The following ANOS1 variants were observed in gnomAD, a reference collection of about 807,000 sequenced individuals.
ANOS1 encodes anosmin 1.
ANOS1 carries 6 observed loss-of-function variants against 59.0 expected under a neutral mutation model. The observed-to-expected ratio is 0.10, with a 90% CI of 0.06 to 0.20. ANOS1 has a LOEUF of 0.20. ANOS1 is among the 10% of genes least tolerant of loss of function. The probability of loss-of-function intolerance (pLI) is 1.00; values close to 1 mark genes in which losing one functional copy is unlikely to be tolerated. For synonymous variants in ANOS1, 217 were observed against 223.4 expected, an observed-to-expected ratio of 0.97 and a Z score of 0.25; for missense variants, 433 against 542.3, an observed-to-expected ratio of 0.80 and a Z score of 2.00.
intron 2 of ANOS1, among the ~76,000 whole-genome samples, chrX:8,663,783 T>C (rs1932081258): frequency 8.9e-6 from 1 of 111,997 alleles, no homozygotes; most frequent in South Asian, 3.7e-4. Context: ...CCTTTTCTAA[T>C]AAAATTATTA....
At chrX:8,535,262 G>T (rs79897600) in intron 12 of ANOS1, 1 of 266,194 alleles carries the variant, frequency 3.8e-6, no homozygotes, top group Non-Finnish European at 6.7e-6. Context: ...TTCAAACAGG[G>T]CATGTTCACT....
chrX:8,541,185 A>AC (rs1261350138), intron 9 of ANOS1, among the ~76,000 whole-genome samples: 2 of 105,582 alleles, frequency 1.9e-5, no homozygotes, highest in Non-Finnish European at 1.9e-5. Context: ...CAGGCAGATC[A>AC]CTAGGTCAGG....
intron 2 of ANOS1, among the ~76,000 whole-genome samples, chrX:8,640,419 T>C (rs1415406769): frequency 9.0e-6 from 1 of 110,802 alleles, no homozygotes; most frequent in Admixed American, 9.6e-5. Context: ...ATGAGGCCAA[T>C]GTAAATCCAA....
intron 3 of ANOS1, among the ~76,000 whole-genome samples, chrX:8,618,155 C>T (rs761079198): frequency 3.1e-4 from 35 of 112,190 alleles, no homozygotes; most frequent in Non-Finnish European, 6.2e-4. Flanking sequence ...CTTCTAAGGA[C>T]TGTTATGGGA....
At chrX:8,702,315 G>T (rs1335422036) in intron 1 of ANOS1, among the ~76,000 whole-genome samples, 1 of 112,448 alleles carries the variant, frequency 8.9e-6, no homozygotes, top group Admixed American at 9.5e-5. Context: ...GATGTTAGGA[G>T]AAAGCATGTA....
intron 1 of ANOS1, among the ~76,000 whole-genome samples, chrX:8,731,483 C>G (rs1215486210): frequency 9.0e-6 from 1 of 111,613 alleles, no homozygotes; most frequent in East Asian, 2.9e-4. Context: ...AGTCGCCGCC[C>G]GCCCGGAGTC....
intron 1 of ANOS1, among the ~76,000 whole-genome samples, chrX:8,730,893 C>G (rs1397704604): frequency 8.9e-6 from 1 of 112,790 alleles, no homozygotes; most frequent in Non-Finnish European, 1.9e-5. Flanking sequence ...GAGTCCGGAA[C>G]CTGCTCTCGT....
At chrX:8,639,161 CAT>C (rs1366892103) in intron 2 of ANOS1, among the ~76,000 whole-genome samples, 1 of 111,357 alleles carries the variant, frequency 9.0e-6, no homozygotes, top group Non-Finnish European at 1.9e-5. Context: ...TTATAACAGA[CAT>C]GTGATATTTA....
intron 2 of ANOS1, among the ~76,000 whole-genome samples, chrX:8,673,197 ATTAT>A (rs1932283354): frequency 9.1e-6 from 1 of 110,286 alleles, no homozygotes; most frequent in African/African-American, 3.3e-5. Context: ...ACCTTTTGGC[ATTAT>A]TTTGGTAAAC....
At chrX:8,691,488 TAGAC>T (rs1333475036) in intron 2 of ANOS1, among the ~76,000 whole-genome samples, 2 of 110,613 alleles carry the variant, frequency 1.8e-5, no homozygotes, top group African/African-American at 6.7e-5. Flanking sequence ...AGATAAATGA[TAGAC>T]AGATTAAGAT....
intron 9 of ANOS1, 150 bp downstream of exon 9, chrX:8,553,802 T>G (rs756454494): frequency 1.3e-4 from 61 of 485,076 alleles, no homozygotes; most frequent in Non-Finnish European, 1.9e-4. Flanking sequence ...TTTCAAGATG[T>G]GAGATAACCG....
chrX:8,659,234 A>AAT (rs1359692224), intron 2 of ANOS1, among the ~76,000 whole-genome samples: 1 of 99,537 alleles, frequency 1.0e-5, no homozygotes, highest in Non-Finnish European at 2.1e-5. Context: ...CTCAATAAAA[A>AAT]AAAAAAAAAT....
At chrX:8,686,789 TA>T (rs762509798) in intron 2 of ANOS1, among the ~76,000 whole-genome samples, 130 of 110,320 alleles carry the variant, frequency 1.2e-3, no homozygotes, top group African/African-American at 4.1e-3. Flanking sequence ...CCCACTCTAC[TA>T]AAAAAATACA....
chrX:8,631,355 C>G (rs1469017761), intron 2 of ANOS1, among the ~76,000 whole-genome samples: 2 of 112,017 alleles, frequency 1.8e-5, no homozygotes, highest in African/African-American at 3.2e-5. Flanking sequence ...AATCTATGAA[C>G]TACACAAGGG....
chrX:8,538,981 CTGAGG>C (rs1356396479), intron 10 of ANOS1, among the ~76,000 whole-genome samples: 3 of 111,626 alleles, frequency 2.7e-5, no homozygotes, highest in Non-Finnish European at 5.6e-5. Flanking sequence ...TTAAACTGTC[CTGAGG>C]TATCACATAT....
intron 7 of ANOS1, 124 bp from the exon 8 acceptor site, chrX:8,568,500 A>G: frequency 1.5e-6 from 1 of 666,067 alleles, no homozygotes; most frequent in South Asian, 2.5e-5. Context: ...CAACTTTTCT[A>G]TATCTTTGGG....
intron 2 of ANOS1, among the ~76,000 whole-genome samples, chrX:8,696,405 G>A (rs764916344): frequency 6.2e-5 from 7 of 112,257 alleles, no homozygotes; most frequent in Non-Finnish European, 1.1e-4. Context: ...GTGACAATGT[G>A]CTCAGGTGAG....
At chrX:8,545,773 CAA>C (rs1298006768) in intron 9 of ANOS1, among the ~76,000 whole-genome samples, 1 of 111,904 alleles carries the variant, frequency 8.9e-6, no homozygotes, top group Non-Finnish European at 1.9e-5. Context: ...AGTCCAAAAG[CAA>C]TATTTTGCCC....
intron 9 of ANOS1, 106 bp downstream of exon 9, chrX:8,553,846 T>C (rs1209601295): frequency 2.8e-6 from 2 of 702,531 alleles, no homozygotes; most frequent in East Asian, 6.7e-5. Context: ...AACAACCGTT[T>C]GCCTTAGTAT....
Sources: allele counts gnomAD v4.1 joint callset (sites outside exome capture counted in the v4.1 genomes callset), GRCh38; gene constraint gnomAD v4.1.1; transcripts MANE v1.5; gene names NCBI Gene and HGNC (gene_info 2026-07-23, HGNC 2026-07-21).